The following TRDN variants were observed in gnomAD, a reference collection of about 807,000 sequenced individuals.
TRDN encodes triadin in skeletal muscle.
Under a neutral mutation model 149.7 loss-of-function variants are expected in TRDN, and 161 were observed. That is an observed-to-expected ratio of 1.08 (90% CI 0.95 to 1.23). The LOEUF (loss-of-function observed/expected upper bound fraction) is 1.23. TRDN is among the 50% of genes most tolerant of loss of function. TRDN has a pLI of 0.00. For synonymous variants in TRDN, 294 were observed against 250.5 expected, an observed-to-expected ratio of 1.17 and a Z score of -1.64; for missense variants, 896 against 823.5, an observed-to-expected ratio of 1.09 and a Z score of -1.08.
chr6:123,589,250 C>G (rs898987926), intron 1 of TRDN, among the ~76,000 whole-genome samples: 8 of 152,102 alleles, frequency 5.3e-5, no homozygotes, highest in Non-Finnish European at 2.9e-5. Flanking sequence ...TGGTTCTTAG[C>G]AAATATCATT....
chr6:123,254,726 G>A (rs1776494483), intron 37 of TRDN, among the ~76,000 whole-genome samples: 1 of 151,828 alleles, frequency 6.6e-6, no homozygotes, highest in Non-Finnish European at 1.5e-5. Context: ...TTAACTATAT[G>A]TTATTTAGTG....
At chr6:123,523,458 A>G (rs538522327) in intron 5 of TRDN, among the ~76,000 whole-genome samples, 6 of 152,146 alleles carry the variant, frequency 3.9e-5, no homozygotes, top group Non-Finnish European at 7.4e-5. Flanking sequence ...TAGGGGTAGC[A>G]GTGATCATAT....
At chr6:123,427,730 C>T (rs950457260) in intron 12 of TRDN, among the ~76,000 whole-genome samples, 2 of 152,056 alleles carry the variant, frequency 1.3e-5, no homozygotes, top group Admixed American at 6.6e-5. Flanking sequence ...ATTACACATC[C>T]ACATTTCTGA....
chr6:123,279,123 A>G (rs750945034), intron 24 of TRDN, 41 bp from the exon 25 acceptor site: 9 of 1,503,776 alleles, frequency 6.0e-6, no homozygotes, highest in Non-Finnish European at 7.3e-6. Flanking sequence ...TGAGTCATAC[A>G]ATTCTTATTA....
At chr6:123,426,920 A>C (rs1774144701) in intron 12 of TRDN, among the ~76,000 whole-genome samples, 2 of 152,128 alleles carry the variant, frequency 1.3e-5, no homozygotes, top group South Asian at 4.1e-4. Context: ...TTTCTAAAAA[A>C]TAACCACAAT....
intron 16 of TRDN, among the ~76,000 whole-genome samples, chr6:123,381,111 A>G (rs1781702609): frequency 6.6e-6 from 1 of 152,150 alleles, no homozygotes; most frequent in African/African-American, 2.4e-5. Flanking sequence ...ATGCAGTTTT[A>G]CTTTTGATTA....
At chr6:123,332,025 G>A in intron 22 of TRDN, 96 bp from the exon 23 acceptor site, 1 of 900,560 alleles carries the variant, frequency 1.1e-6, no homozygotes, top group Non-Finnish European at 1.6e-6. Context: ...TCAGTAAGCT[G>A]AAAGTAAGTG....
chr6:123,275,863 A>C (rs1777351203), intron 26 of TRDN, among the ~76,000 whole-genome samples: 1 of 152,188 alleles, frequency 6.6e-6, no homozygotes, highest in Non-Finnish European at 1.5e-5. Flanking sequence ...GCTATAATAG[A>C]ATATCACAGA....
chr6:123,271,089 C>A (rs1777190844), intron 30 of TRDN, 50 bp downstream of exon 30: 2 of 1,190,626 alleles, frequency 1.7e-6, no homozygotes, highest in South Asian at 1.5e-5. Flanking sequence ...ATGAGTGCAC[C>A]ACATAACATA....
At chr6:123,277,479 T>G (rs943172134) in intron 26 of TRDN, among the ~76,000 whole-genome samples, 44 of 152,114 alleles carry the variant, frequency 2.9e-4, no homozygotes, top group African/African-American at 1.0e-3. Context: ...TTATTGCAGA[T>G]GTAATTAGTT....
intron 38 of TRDN, among the ~76,000 whole-genome samples, chr6:123,245,396 A>G (rs1463104974): frequency 6.6e-6 from 1 of 152,164 alleles, no homozygotes; most frequent in East Asian, 1.9e-4. Context: ...GGGATGGAGG[A>G]AGATTTACCA....
intron 6 of TRDN, among the ~76,000 whole-genome samples, chr6:123,514,503 A>G (rs1322525053): frequency 6.6e-6 from 1 of 152,208 alleles, no homozygotes; most frequent in African/African-American, 2.4e-5. Flanking sequence ...ACATATGCAC[A>G]CATGCATACA....
intron 1 of TRDN, among the ~76,000 whole-genome samples, chr6:123,609,419 A>G (rs796452538): frequency 5.3e-4 from 80 of 152,272 alleles, no homozygotes; most frequent in African/African-American, 1.9e-3. Flanking sequence ...GGAGTATAAT[A>G]TAGTTATAAT....
Position 123,595,550 on chromosome 6 carries a change from C to T in TRDN, c.23-24418G>A, listed in dbSNP as rs188335709. ...TGCTTCACTTTATCACATTGCAGAT[C>T]CTGCACTTTTACAAATTGAGGGTTG... On this transcript the variant is annotated intron_variant, in intron 1 of 40. Transcript: ENST00000334268. Among the ~76,000 whole-genome samples, 4 of 152,244 alleles carry T rather than the reference C, an allele frequency of 2.6e-5. No homozygotes were observed. In the East Asian group the frequency reaches 7.7e-4, roughly 29 times the overall value.
intron 14 of TRDN, among the ~76,000 whole-genome samples, chr6:123,385,953 A>G (rs1353854567): frequency 4.6e-5 from 7 of 152,236 alleles, no homozygotes; most frequent in Non-Finnish European, 7.4e-5. Flanking sequence ...AAAAAAAATC[A>G]TTCCTTGCCT....
intron 23 of TRDN, among the ~76,000 whole-genome samples, chr6:123,320,427 G>T (rs1455055745): frequency 6.6e-6 from 1 of 151,676 alleles, no homozygotes; most frequent in African/African-American, 2.4e-5. Context: ...ACTGTTCTTT[G>T]CACAGAAGAG....
rs763476475 is a variant in TRDN, at chr6:123,221,469, A to G, written c.2050+18T>C. The G allele has an allele frequency of 6.6e-7, 1 of 1,516,008 alleles. No homozygotes were observed. Among genetic ancestry groups the G allele is most frequent in the East Asian group, 2.3e-5 (1 of 43,388 alleles). 93.9% of individuals were successfully genotyped at this position (1,516,008 alleles called of 1,614,324 possible). A position where few individuals can be genotyped will look rare whatever the true frequency, so the allele number is the denominator to read the frequency against. On this transcript the variant is annotated intron_variant, in intron 40 of 40. Transcript: ENST00000334268. Reference sequence around the variant, plus strand: ...AATACAGAATGATTTATTACTTTTAATCTCATTATAAACTTACTTTTCTGC... The same window carrying G: ...AATACAGAATGATTTATTACTTTTAGTCTCATTATAAACTTACTTTTCTGC...
At chr6:123,282,045 CA>C (rs1235508340) in intron 24 of TRDN, among the ~76,000 whole-genome samples, 1 of 151,576 alleles carries the variant, frequency 6.6e-6, no homozygotes, top group Non-Finnish European at 1.5e-5. Context: ...GCGTTATGAT[CA>C]AAAGAGGAAA....
At position 123,253,089 on chromosome 6, in the gene TRDN, A is replaced by G. The variant is rs150773637; in HGVS notation, c.1952-654T>C. Among the ~76,000 whole-genome samples, 5 of 152,208 alleles carry G rather than the reference A, an allele frequency of 3.3e-5. No individual in the cohort carries two copies. The East Asian group carries it at 9.6e-4, about 29-fold the overall frequency. On this transcript the variant is annotated intron_variant, in intron 37 of 40. Transcript: ENST00000334268. The stretch of plus-strand genomic sequence containing the variant: ...AAATAATTACCAGACTATAAAATAC[A>G]TCTTAAAAAACAACATGCAAAGTAA...
Sources: gnomAD v4.1 joint callset for allele counts (sites outside exome capture counted in the v4.1 genomes callset) on GRCh38, gnomAD v4.1.1 for gene constraint, MANE v1.5 for transcripts, NCBI Gene and HGNC (gene_info 2026-07-23, HGNC 2026-07-21) for gene names.